The following SND1 variants were observed in gnomAD, a reference collection of about 807,000 sequenced individuals.
SND1 encodes staphylococcal nuclease domain-containing protein 1.
A neutral mutation model predicts 121.7 loss-of-function variants in SND1; 38 were observed. That is an observed-to-expected ratio of 0.31 (90% CI 0.24 to 0.41). The LOEUF (loss-of-function observed/expected upper bound fraction) is 0.41. Among genes scored for constraint, SND1 ranks in the 10% least tolerant of loss-of-function variants. The pLI is 1.00. For synonymous variants in SND1, 401 were observed against 447.4 expected, an observed-to-expected ratio of 0.90 and a Z score of 1.31; for missense variants, 868 against 1,184.6, an observed-to-expected ratio of 0.73 and a Z score of 3.92.
intron 16 of SND1, among the ~76,000 whole-genome samples, chr7:128,037,288 G>T (rs182022851): frequency 5.9e-5 from 9 of 152,248 alleles, no homozygotes; most frequent in South Asian, 2.1e-4. Flanking sequence ...ACTTACAGCT[G>T]TATCACTTCA....
intron 16 of SND1, among the ~76,000 whole-genome samples, chr7:128,010,681 T>A (rs1740905115): frequency 6.6e-6 from 1 of 152,252 alleles, no homozygotes; most frequent in South Asian, 2.1e-4. Flanking sequence ...TACTTTGGCA[T>A]CCTCAGAGAT....
chr7:127,838,906 G>T (rs942307442), intron 11 of SND1, among the ~76,000 whole-genome samples: 1 of 152,232 alleles, frequency 6.6e-6, no homozygotes, highest in African/African-American at 2.4e-5. Context: ...AAAATAACTG[G>T]CACTTAGATA....
At chr7:127,727,372 G>T (rs1326330522) in intron 10 of SND1, among the ~76,000 whole-genome samples, 1 of 152,172 alleles carries the variant, frequency 6.6e-6, no homozygotes, top group Non-Finnish European at 1.5e-5. Flanking sequence ...ATTGTAAGGG[G>T]CTCCGGGGTG....
At position 127,759,911 on chromosome 7, in the gene SND1, G is replaced by A. The variant is rs183810459; in HGVS notation, c.1152+38511G>A. 2.1e-4 allele frequency among the ~76,000 whole-genome samples: 32 copies of A among 152,182 alleles called. No individual in the cohort carries two copies. The South Asian group carries it at 3.5e-3, about 17-fold the overall frequency. On this transcript the variant is annotated intron_variant, in intron 10 of 23. Transcript: ENST00000354725. ...TTTCCCCTGTGTGTAACAAACTGTC[G>A]CATTTCTGCTGCCAGCCTCTCCTCT...
chr7:127,730,463 C>T (rs764448050), intron 10 of SND1, among the ~76,000 whole-genome samples: 5 of 152,180 alleles, frequency 3.3e-5, no homozygotes, highest in Admixed American at 6.5e-5. Flanking sequence ...CTGCTAGAAG[C>T]CACTTGATGT....
At chr7:127,812,961 C>G (rs954527574) in intron 11 of SND1, among the ~76,000 whole-genome samples, 1 of 152,170 alleles carries the variant, frequency 6.6e-6, no homozygotes, top group Non-Finnish European at 1.5e-5. Context: ...TAATTTGATT[C>G]ATTCATGCTA....
At chr7:127,951,246 A>G (rs1162617867) in intron 15 of SND1, among the ~76,000 whole-genome samples, 1 of 152,232 alleles carries the variant, frequency 6.6e-6, no homozygotes, top group Non-Finnish European at 1.5e-5. Context: ...CCTTAGGGAA[A>G]AAAAAGGAGA....
chr7:128,016,595 T>C (rs1359442513), intron 16 of SND1, among the ~76,000 whole-genome samples: 3 of 152,198 alleles, frequency 2.0e-5, no homozygotes, highest in African/African-American at 7.2e-5. Context: ...GGCTGGTGTT[T>C]GCCCTCTTCT....
chr7:128,019,091 C>A (rs948923540), intron 16 of SND1, among the ~76,000 whole-genome samples: 1 of 152,186 alleles, frequency 6.6e-6, no homozygotes, highest in Non-Finnish European at 1.5e-5. Context: ...ACCTGCCCCC[C>A]TCCCCACCTC....
rs556852500 is a variant in SND1, at chr7:127,851,559, A to G, written c.1343+7135A>G. Among the ~76,000 whole-genome samples the G allele has an allele frequency of 7.2e-4, 109 of 152,246 alleles. 2 individuals carry two copies. The highest frequency in any genetic ancestry group is 2.3e-3 in the African/African-American group (96 of 41,544). Reference sequence around the variant, plus strand: ...TCCACACTCTCTTGTTTATTTATTCATATCACTTATTCATTTAGCCACTCA... The same window carrying G: ...TCCACACTCTCTTGTTTATTTATTCGTATCACTTATTCATTTAGCCACTCA... On this transcript the variant is annotated intron_variant, in intron 12 of 23. Transcript: ENST00000354725.
At chr7:128,071,950 C>T (rs1584773298) in intron 16 of SND1, among the ~76,000 whole-genome samples, 1 of 152,186 alleles carries the variant, frequency 6.6e-6, no homozygotes. Flanking sequence ...GTTAGCATAT[C>T]GATTGCAGGC....
intron 16 of SND1, among the ~76,000 whole-genome samples, chr7:128,051,664 T>C (rs1442858883): frequency 6.6e-6 from 1 of 152,174 alleles, no homozygotes; most frequent in East Asian, 1.9e-4. Context: ...GGAAGGGACC[T>C]GGGTGGTGTA....
At chr7:127,691,317 C>A (rs1312066054) in intron 2 of SND1, among the ~76,000 whole-genome samples, 1 of 151,810 alleles carries the variant, frequency 6.6e-6, no homozygotes, top group Non-Finnish European at 1.5e-5. Flanking sequence ...CCGAGGCGGG[C>A]GGATCATGAG....
intron 9 of SND1, chr7:127,718,517 A>G (rs1307413695): frequency 3.4e-5 from 33 of 972,834 alleles, no homozygotes; most frequent in Non-Finnish European, 3.8e-5. Context: ...CACCCTTCCT[A>G]TCTTCACCAG....
At chr7:127,943,735 TG>T (rs1801267022) in intron 15 of SND1, among the ~76,000 whole-genome samples, 1 of 152,148 alleles carries the variant, frequency 6.6e-6, no homozygotes, top group Non-Finnish European at 1.5e-5. Context: ...TGCATTTGGA[TG>T]GTGTGGCAGC....
At chr7:127,684,036 A>G (rs1795772705) in intron 1 of SND1, among the ~76,000 whole-genome samples, 1 of 152,138 alleles carries the variant, frequency 6.6e-6, no homozygotes, top group South Asian at 2.1e-4. Flanking sequence ...CATTGTCCCC[A>G]GGGATCCGGT....
At chr7:127,661,769 T>C (rs977788369) in intron 1 of SND1, among the ~76,000 whole-genome samples, 1 of 152,110 alleles carries the variant, frequency 6.6e-6, no homozygotes, top group Non-Finnish European at 1.5e-5. Flanking sequence ...TTGGTATTTC[T>C]ATACTCAACT....
intron 11 of SND1, among the ~76,000 whole-genome samples, chr7:127,816,048 C>T (rs1304919680): frequency 6.6e-6 from 1 of 152,192 alleles, no homozygotes; most frequent in Non-Finnish European, 1.5e-5. Context: ...GGAATTGATA[C>T]ACCCAAGCAC....
intron 16 of SND1, among the ~76,000 whole-genome samples, chr7:128,045,179 A>G (rs1428755650): frequency 1.3e-5 from 2 of 152,194 alleles, no homozygotes; most frequent in African/African-American, 4.8e-5. Context: ...GAAAACGCCA[A>G]CTTTCTGTTT....
Sources: allele counts gnomAD v4.1 joint callset (sites outside exome capture counted in the v4.1 genomes callset), GRCh38; gene constraint gnomAD v4.1.1; transcripts MANE v1.5; gene names NCBI Gene and HGNC (gene_info 2026-07-23, HGNC 2026-07-21).